USH2A: variants seen among roughly 807,000 people sequenced by gnomAD.
The protein encoded by USH2A is usherin, also known as Usher syndrome 2A (autosomal recessive, mild).
In USH2A, 443 loss-of-function variants were observed where a neutral mutation model predicts 538.9. That is an observed-to-expected ratio of 0.82 (90% CI 0.76 to 0.89). USH2A has a LOEUF of 0.89. USH2A is among the 40% of genes least tolerant of loss of function. The pLI, the probability that USH2A is intolerant of heterozygous loss-of-function variation, is 0.00. For synonymous variants in USH2A, 2,413 were observed against 2,273.5 expected, an observed-to-expected ratio of 1.06 and a Z score of -1.75; for missense variants, 6,633 against 6,324.8, an observed-to-expected ratio of 1.05 and a Z score of -1.65.
chr1:215,914,696 G>A (rs1484983372), intron 38 of USH2A, among the ~76,000 whole-genome samples: 2 of 152,118 alleles, frequency 1.3e-5, no homozygotes, highest in Non-Finnish European at 2.9e-5. Context: ...TGCAGTAAGT[G>A]CAGTTATGAA....
At chr1:216,278,675 G>T (rs149833736) in intron 11 of USH2A, among the ~76,000 whole-genome samples, 69 of 152,148 alleles carry the variant, frequency 4.5e-4, no homozygotes, top group African/African-American at 1.6e-3. Flanking sequence ...TTCATGGTCA[G>T]GTTTCTCATA....
chr1:215,732,482 G>A lies in USH2A; in HGVS notation c.11712-4098C>T, dbSNP rs183158568. Among the ~76,000 whole-genome samples the A allele has an allele frequency of 2.0e-3, 292 of 147,146 alleles. 1 individual carries two copies. Among genetic ancestry groups the A allele is most frequent in the Non-Finnish European group, 2.5e-3 (171 of 67,272 alleles). ...TATATTTCACGGTTCCATGGCTTTG[G>A]TATCTGCTAATTCTCTGGCAATATC... On this transcript the variant is annotated intron_variant, in intron 60 of 71. Coordinates refer to ENST00000307340, the MANE Select transcript of USH2A (RefSeq NM_206933.4).
Position 215,634,634 on chromosome 1 carries a change from A to C in USH2A, c.15122T>G (p.Leu5041Arg), listed in dbSNP as rs1656416551. The C allele has an allele frequency of 6.2e-7, 1 of 1,614,142 alleles. No individual in the cohort carries two copies. The highest frequency in any genetic ancestry group is 8.5e-7 in the Non-Finnish European group (1 of 1,180,054). Residue 5041 changes from leucine (L) to arginine (R), a missense_variant, in exon 70 of 72, where the codon CTG becomes CGG. Transcript: ENST00000307340. ...RSKSTEFYSE[L>R]WFIVLMAMLG... ...CATCGCCATTAACACTATGAACCACAGCTCGCTGTAGAACTCTGTGCTTTT... is the reference window on the plus strand; with the variant it reads ...CATCGCCATTAACACTATGAACCACCGCTCGCTGTAGAACTCTGTGCTTTT...
chr1:215,910,341 G>A (rs749672446), intron 38 of USH2A, among the ~76,000 whole-genome samples: 1 of 151,842 alleles, frequency 6.6e-6, no homozygotes, highest in East Asian at 1.9e-4. Flanking sequence ...CACAAAAGAG[G>A]CAGATCTGTG....
At chr1:216,356,428 A>G (rs2038393190) in intron 4 of USH2A, among the ~76,000 whole-genome samples, 3 of 152,124 alleles carry the variant, frequency 2.0e-5, no homozygotes, top group Admixed American at 6.6e-5. Context: ...AATTGCACAA[A>G]AAGAAATTTA....
At chr1:215,779,593 A>C (rs1661562992) in intron 55 of USH2A, among the ~76,000 whole-genome samples, 1 of 152,238 alleles carries the variant, frequency 6.6e-6, no homozygotes, top group African/African-American at 2.4e-5. Flanking sequence ...ATACTGATGC[A>C]AAAACCCTTC....
At chr1:215,858,179 T>G (rs1664222186) in intron 44 of USH2A, among the ~76,000 whole-genome samples, 1 of 152,140 alleles carries the variant, frequency 6.6e-6, no homozygotes, top group Non-Finnish European at 1.5e-5. Context: ...TGGGATATAT[T>G]TTCTCAGATA....
chr1:215,871,158 G>T (rs886476908), intron 43 of USH2A, among the ~76,000 whole-genome samples: 1 of 151,874 alleles, frequency 6.6e-6, no homozygotes, highest in Non-Finnish European at 1.5e-5. Flanking sequence ...ACCATCCTCC[G>T]GTCTCTCCCT....
At chr1:216,053,967 C>A (rs1310431074) in intron 30 of USH2A, among the ~76,000 whole-genome samples, 1 of 152,162 alleles carries the variant, frequency 6.6e-6, no homozygotes, top group African/African-American at 2.4e-5. Context: ...TGGCTCCAAA[C>A]TCTGTGCACT....
chr1:216,050,436 A>G (rs534559034), intron 30 of USH2A, among the ~76,000 whole-genome samples: 1 of 152,092 alleles, frequency 6.6e-6, no homozygotes, highest in Non-Finnish European at 1.5e-5. Context: ...CAAGTTCAGG[A>G]CTTTAGAATA....
rs577681944 is a variant in USH2A at position 216,154,915 on chromosome 1, A to G, written c.4627+20337T>C. Among the ~76,000 whole-genome samples, 6 of 136,686 alleles carry G rather than the reference A, an allele frequency of 4.4e-5. No homozygotes were observed. In the East Asian group the frequency reaches 1.4e-3, roughly 32 times the overall value. 89.7% of individuals were successfully genotyped at this position (136,686 alleles called of 152,430 possible). ...TGTGTGCCAGCCTTTTGTATGTACAAATTGTTTCATTTCCCTTAGACAAAT... is the reference window on the plus strand; with the variant it reads ...TGTGTGCCAGCCTTTTGTATGTACAGATTGTTTCATTTCCCTTAGACAAAT... On this transcript the variant is annotated intron_variant, in intron 21 of 71. Coordinates refer to ENST00000307340, the MANE Select transcript of USH2A (RefSeq NM_206933.4).
chr1:216,038,535 C>A (rs534985224), intron 32 of USH2A, among the ~76,000 whole-genome samples: 249 of 152,060 alleles, frequency 1.6e-3, no homozygotes, highest in Middle Eastern at 3.4e-3. Context: ...ACAAAATTAG[C>A]AAAATCAGTT....
Position 215,840,190 on chromosome 1 carries a change from A to G in USH2A, c.9259-2087T>C, listed in dbSNP as rs868015428. On this transcript the variant is annotated intron_variant, in intron 46 of 71. Transcript: ENST00000307340. ...AAAAAAAAAAAAAAAAAAAAAAAAA[A>G]AAAAAGTAGATACTTGAGTGTGTTA... is the stretch of plus-strand genomic sequence containing the variant. Among the ~76,000 whole-genome samples, 4 of 148,896 alleles carry G rather than the reference A, an allele frequency of 2.7e-5. No individual in the cohort carries two copies. The South Asian group carries it at 6.5e-4, about 24-fold the overall frequency.
At chr1:215,700,258 G>A (rs1034190848) in intron 61 of USH2A, among the ~76,000 whole-genome samples, 2 of 152,080 alleles carry the variant, frequency 1.3e-5, no homozygotes, top group African/African-American at 4.8e-5. Flanking sequence ...GGATATTGGT[G>A]TGAAATTTTC....
intron 44 of USH2A, among the ~76,000 whole-genome samples, chr1:215,857,336 T>C (rs531350911): frequency 7.2e-5 from 11 of 152,312 alleles, no homozygotes; most frequent in African/African-American, 2.4e-4. Context: ...TTGAGACTTC[T>C]TGAGTTTGAA....
intron 20 of USH2A, among the ~76,000 whole-genome samples, chr1:216,184,162 C>T (rs575146849): frequency 6.6e-6 from 1 of 152,092 alleles, no homozygotes; most frequent in Admixed American, 6.6e-5. Flanking sequence ...TTTACACTTC[C>T]TTAATTGTAA....
intron 61 of USH2A, among the ~76,000 whole-genome samples, chr1:215,724,029 A>G (rs1431238516): frequency 3.9e-4 from 59 of 152,156 alleles, no homozygotes; most frequent in Admixed American, 3.8e-3. Flanking sequence ...ATATTGAATC[A>G]ACCTAAGTGT....
In USH2A at chr1:216,292,164, T is replaced by C; in HGVS notation, c.1840+11A>G. On this transcript the variant is annotated intron_variant, in intron 10 of 71. Coordinates refer to ENST00000307340, the MANE Select transcript of USH2A (RefSeq NM_206933.4). ...CCTCCAAACCAACTCAGGAATTTAT[T>C]TGCTACTTACCTGTAGTGTTATGCT... 1 of 1,613,946 alleles carries C rather than the reference T, an allele frequency of 6.2e-7. No homozygotes were observed. Among genetic ancestry groups the C allele is most frequent in the South Asian group, 1.1e-5 (1 of 91,062 alleles).
intron 16 of USH2A, among the ~76,000 whole-genome samples, chr1:216,206,133 TA>T (rs1398327515): frequency 6.6e-6 from 1 of 152,290 alleles, no homozygotes; most frequent in Middle Eastern, 3.4e-3. Flanking sequence ...ACCTGAGAAT[TA>T]AAAAACTTGA....
Sources: allele counts gnomAD v4.1 joint callset (sites outside exome capture counted in the v4.1 genomes callset), GRCh38; gene constraint gnomAD v4.1.1; transcripts MANE v1.5; gene names NCBI Gene and HGNC (gene_info 2026-07-23, HGNC 2026-07-21).